PTPRT: variants seen among roughly 807,000 people sequenced by gnomAD.
The protein encoded by PTPRT is receptor-type tyrosine-protein phosphatase T.
PTPRT carries 56 observed loss-of-function variants against 176.8 expected under a neutral mutation model. The observed-to-expected ratio is 0.32, with a 90% confidence interval of 0.26 to 0.40. The LOEUF is 0.40. PTPRT is among the 10% of genes least tolerant of loss of function. The probability of loss-of-function intolerance (pLI) is 1.00; values close to 1 mark genes in which losing one functional copy is unlikely to be tolerated. For missense variants in PTPRT, 1,540 were observed against 1,908.2 expected (o/e 0.81, Z 3.60); for synonymous variants, 783 against 739.0 (o/e 1.06, Z -0.96).
In PTPRT at chr20:42,603,112, C is replaced by T. The variant is rs536715773; in HGVS notation, c.1153+74754G>A. ...GGTCCTGGGAAGGTTCCTGTTCTCACGGAGCTTACAGTCTAGTGATGAGTG... is the reference window on the plus strand; with the variant it reads ...GGTCCTGGGAAGGTTCCTGTTCTCATGGAGCTTACAGTCTAGTGATGAGTG... On this transcript the variant is annotated intron_variant, in intron 7 of 30. Coordinates refer to ENST00000373187, the MANE Select transcript of PTPRT (RefSeq NM_007050.6). 3.7e-4 allele frequency among the ~76,000 whole-genome samples: 57 copies of T among 152,260 alleles called. 1 individual carries two copies. The highest frequency in any genetic ancestry group is 6.8e-3 in the Middle Eastern group (2 of 294).
chr20:42,677,433 G>A (rs1458445009), intron 7 of PTPRT, among the ~76,000 whole-genome samples: 2 of 152,060 alleles, frequency 1.3e-5, no homozygotes. Flanking sequence ...GAGAAACAGA[G>A]CCAGGAACCC....
At chr20:42,707,334 C>G (rs2076075758) in intron 6 of PTPRT, among the ~76,000 whole-genome samples, 1 of 152,102 alleles carries the variant, frequency 6.6e-6, no homozygotes, top group Non-Finnish European at 1.5e-5. Context: ...TGGGAGCATG[C>G]ATATGCCGAG....
At chr20:43,118,896 C>T (rs562205770) in intron 1 of PTPRT, among the ~76,000 whole-genome samples, 15 of 152,276 alleles carry the variant, frequency 9.9e-5, no homozygotes, top group East Asian at 1.9e-4. Flanking sequence ...GTTATCATTA[C>T]GCACCCTGAG....
chr20:42,519,434 A>G (rs1326407269), intron 7 of PTPRT, among the ~76,000 whole-genome samples: 1 of 152,170 alleles, frequency 6.6e-6, no homozygotes, highest in Non-Finnish European at 1.5e-5. Flanking sequence ...ACTCACATGC[A>G]AGCTTCTGCA....
intron 2 of PTPRT, among the ~76,000 whole-genome samples, chr20:42,881,274 G>A (rs2079006315): frequency 6.6e-6 from 1 of 152,212 alleles, no homozygotes; most frequent in Non-Finnish European, 1.5e-5. Flanking sequence ...CAGCTGTTGT[G>A]TAAGATTGGA....
chr20:42,475,175 C>G (rs893174932), intron 7 of PTPRT, among the ~76,000 whole-genome samples: 1 of 152,118 alleles, frequency 6.6e-6, no homozygotes, highest in African/African-American at 2.4e-5. Flanking sequence ...CATCTTATGA[C>G]CCTAGGAGGG....
At chr20:42,104,544 C>T (rs750183255) in intron 25 of PTPRT, 25 bp downstream of exon 25, 1 of 1,599,874 alleles carries the variant, frequency 6.3e-7, no homozygotes, top group African/African-American at 1.3e-5. Flanking sequence ...CTAAGATGGT[C>T]ACCGAGCCTG....
At chr20:42,704,431 C>CA (rs3091987) in intron 6 of PTPRT, among the ~76,000 whole-genome samples, 14,822 of 133,548 alleles carry the variant, frequency 0.11, 866 homozygotes, top group South Asian at 0.18. Context: ...CGTTGATATC[C>CA]AAAAAAAAAA....
chr20:42,061,723 C>CT, the PTPRT span, among the ~76,000 whole-genome samples: 1 of 152,208 alleles, frequency 6.6e-6, no homozygotes, highest in African/African-American at 2.4e-5. Context: ...TGCAGCCACT[C>CT]TCGAGTTTCC....
At chr20:42,477,384 T>C (rs1165183661) in intron 7 of PTPRT, among the ~76,000 whole-genome samples, 2 of 151,834 alleles carry the variant, frequency 1.3e-5, no homozygotes, top group Admixed American at 6.6e-5. Flanking sequence ...GGGTAATATA[T>C]ATATATATAT....
chr20:42,828,873 T>A (rs1391152572), intron 2 of PTPRT, among the ~76,000 whole-genome samples: 3 of 152,146 alleles, frequency 2.0e-5, no homozygotes, highest in Non-Finnish European at 4.4e-5. Flanking sequence ...GAACCTCTGC[T>A]AGGACAGTGC....
chr20:42,702,759 T>C (rs1030737859), intron 6 of PTPRT, among the ~76,000 whole-genome samples: 1 of 152,174 alleles, frequency 6.6e-6, no homozygotes, highest in Non-Finnish European at 1.5e-5. Flanking sequence ...AGGTGGTGTT[T>C]ATCAAGTTCC....
At chr20:42,309,342 C>A (rs1022837435) in intron 12 of PTPRT, among the ~76,000 whole-genome samples, 3 of 152,038 alleles carry the variant, frequency 2.0e-5, no homozygotes, top group Non-Finnish European at 4.4e-5. Context: ...ACAAACAATG[C>A]GAAACTGCAC....
chr20:42,831,345 A>G (rs1169114895), intron 2 of PTPRT, among the ~76,000 whole-genome samples: 1 of 152,218 alleles, frequency 6.6e-6, no homozygotes, highest in East Asian at 1.9e-4. Context: ...TTGAAACTGG[A>G]CCATTTCCTT....
chr20:42,405,592 T>C (rs544474337), intron 9 of PTPRT, among the ~76,000 whole-genome samples: 8 of 152,246 alleles, frequency 5.3e-5, no homozygotes, highest in Non-Finnish European at 7.3e-5. Context: ...CAGTCTATCA[T>C]TGATGGACAT....
At chr20:42,136,480 G>A (rs951377622) in intron 18 of PTPRT, among the ~76,000 whole-genome samples, 2 of 152,128 alleles carry the variant, frequency 1.3e-5, no homozygotes, top group African/African-American at 4.8e-5. Flanking sequence ...ATGATGCAGA[G>A]ACAGCCCGAC....
intron 29 of PTPRT, among the ~76,000 whole-genome samples, chr20:42,082,225 C>G (rs1017153892): frequency 4.6e-5 from 7 of 152,200 alleles, no homozygotes; most frequent in African/African-American, 1.7e-4. Context: ...GTCACTTCCT[C>G]TGTCTGGGCC....
chr20:42,117,255 C>T (rs1378970234), intron 21 of PTPRT, among the ~76,000 whole-genome samples: 1 of 152,186 alleles, frequency 6.6e-6, no homozygotes, highest in Non-Finnish European at 1.5e-5. Flanking sequence ...CCCATCGTCG[C>T]AGAGGCCAGA....
At chr20:42,392,542 T>C (rs1353834718) in intron 9 of PTPRT, among the ~76,000 whole-genome samples, 1 of 152,158 alleles carries the variant, frequency 6.6e-6, no homozygotes, top group Non-Finnish European at 1.5e-5. Context: ...TGGCTTGGCA[T>C]AGGAAGAAGT....
Sources: gnomAD v4.1 joint callset for allele counts (sites outside exome capture counted in the v4.1 genomes callset) on GRCh38, gnomAD v4.1.1 for gene constraint, MANE v1.5 for transcripts, NCBI Gene and HGNC (gene_info 2026-07-23, HGNC 2026-07-21) for gene names.